The following MECOM variants were observed in gnomAD, a reference collection of about 807,000 sequenced individuals.
MECOM encodes the protein MDS1 and EVI1 complex locus.
A neutral mutation model predicts 116.3 loss-of-function variants in MECOM; 13 were observed. The ratio of observed to expected loss-of-function variants is 0.11; its 90% CI spans 0.07 to 0.18. The LOEUF (loss-of-function observed/expected upper bound fraction) is 0.18. Ranked by LOEUF, MECOM falls within the 10% of genes least tolerant of loss-of-function variation. MECOM has a pLI of 1.00. For missense variants in MECOM, 1,299 were observed against 1,509.0 expected, an observed-to-expected ratio of 0.86 and a Z score of 2.31; for synonymous variants, 528 against 535.2, an observed-to-expected ratio of 0.99 and a Z score of 0.19.
At chr3:169,414,012 C>T (rs906031791) in intron 1 of MECOM, among the ~76,000 whole-genome samples, 1 of 152,244 alleles carries the variant, frequency 6.6e-6, no homozygotes, top group Admixed American at 6.5e-5. Flanking sequence ...AGCAGTGGAT[C>T]TCCCAGCACA....
intron 2 of MECOM, among the ~76,000 whole-genome samples, chr3:169,327,338 A>C: frequency 6.6e-6 from 1 of 152,184 alleles, no homozygotes; most frequent in Non-Finnish European, 1.5e-5. Flanking sequence ...AAGTTAAAAA[A>C]TAAAAATTAA....
At chr3:169,482,336 T>TC in intron 1 of MECOM, among the ~76,000 whole-genome samples, 1 of 143,868 alleles carries the variant, frequency 7.0e-6, no homozygotes, top group Non-Finnish European at 1.5e-5. Context: ...TTCTTTTTTT[T>TC]TTTTTTTTTT....
chr3:169,513,433 G>A (rs1014649567), intron 1 of MECOM, among the ~76,000 whole-genome samples: 27 of 152,204 alleles, frequency 1.8e-4, no homozygotes, highest in African/African-American at 6.3e-4. Context: ...TCACTGTGAT[G>A]AGCTGCATAG....
intron 2 of MECOM, among the ~76,000 whole-genome samples, chr3:169,318,710 C>T (rs1215860175): frequency 3.3e-5 from 5 of 152,148 alleles, no homozygotes; most frequent in South Asian, 2.1e-4. Flanking sequence ...GACAGTATGG[C>T]GATTCCTCCA....
At chr3:169,349,071 T>G in intron 2 of MECOM, among the ~76,000 whole-genome samples, 2 of 129,362 alleles carry the variant, frequency 1.5e-5, no homozygotes, top group Non-Finnish European at 1.6e-5. Context: ...CCTCTCATCC[T>G]CCCCTTTCCC....
chr3:169,320,288 G>A (rs1290476737), intron 2 of MECOM, among the ~76,000 whole-genome samples: 1 of 152,136 alleles, frequency 6.6e-6, no homozygotes, highest in African/African-American at 2.4e-5. Flanking sequence ...GGGTAAAAGA[G>A]GATGCTACTT....
intron 2 of MECOM, among the ~76,000 whole-genome samples, chr3:169,318,560 A>G (rs928257677): frequency 6.6e-6 from 1 of 152,214 alleles, no homozygotes; most frequent in African/African-American, 2.4e-5. Flanking sequence ...AATCAAAACC[A>G]CAATGAGATA....
At chr3:169,512,355 C>T (rs1312194737) in intron 1 of MECOM, among the ~76,000 whole-genome samples, 1 of 152,210 alleles carries the variant, frequency 6.6e-6, no homozygotes, top group Non-Finnish European at 1.5e-5. Flanking sequence ...CAGTGGACAA[C>T]TCTGAATTGT....
At chr3:169,531,485 C>T (rs1758618217) in intron 1 of MECOM, among the ~76,000 whole-genome samples, 2 of 152,190 alleles carry the variant, frequency 1.3e-5, no homozygotes, top group African/African-American at 4.8e-5. Flanking sequence ...ATAACCTCAT[C>T]AGAGAGGCAA....
intron 1 of MECOM, among the ~76,000 whole-genome samples, chr3:169,495,530 A>G (rs1482819062): frequency 2.0e-5 from 3 of 152,212 alleles, no homozygotes; most frequent in Non-Finnish European, 2.9e-5. Context: ...ATTTTTCGAA[A>G]GAATGCTTGT....
At chr3:169,097,280 G>A (rs1245109350) in intron 12 of MECOM, among the ~76,000 whole-genome samples, 2 of 151,946 alleles carry the variant, frequency 1.3e-5, no homozygotes, top group Non-Finnish European at 2.9e-5. Context: ...ATCTAAATAA[G>A]CATGTTCTAA....
chr3:169,218,052 A>G (rs1234869239), intron 2 of MECOM, among the ~76,000 whole-genome samples: 1 of 151,910 alleles, frequency 6.6e-6, no homozygotes, highest in Non-Finnish European at 1.5e-5. Flanking sequence ...TCATTTGACT[A>G]CTATAAATCA....
At chr3:169,465,398 G>A (rs1396256627) in intron 1 of MECOM, among the ~76,000 whole-genome samples, 1 of 152,110 alleles carries the variant, frequency 6.6e-6, no homozygotes, top group African/African-American at 2.4e-5. Context: ...AAAGTGCTCA[G>A]AATAGTGGCT....
chr3:169,615,966 A>G (rs561128985), intron 1 of MECOM, among the ~76,000 whole-genome samples: 5 of 152,326 alleles, frequency 3.3e-5, no homozygotes, highest in Non-Finnish European at 7.3e-5. Context: ...TTCACAGAGC[A>G]ATTGTTCAAT....
At chr3:169,646,032 G>A (rs2110059243) in intron 1 of MECOM, among the ~76,000 whole-genome samples, 1 of 152,130 alleles carries the variant, frequency 6.6e-6, no homozygotes, top group African/African-American at 2.4e-5. Context: ...AAAGAATGAT[G>A]GCTTCCAGCT....
In MECOM at chr3:169,508,102, A is replaced by G. The variant is rs140966708; in HGVS notation, c.38-126578T>C. On this transcript the variant is annotated intron_variant, in intron 1 of 16. Transcript: ENST00000651503. ...AACATTTTGAATATACTATGTGCTCAATAGGTCATAGTTGTACCTAACATT... is the reference window on the plus strand; with the variant it reads ...AACATTTTGAATATACTATGTGCTCGATAGGTCATAGTTGTACCTAACATT... Among the ~76,000 whole-genome samples the G allele has an allele frequency of 2.0e-3, 303 of 152,370 alleles. 1 individual carries two copies. Among genetic ancestry groups the G allele is most frequent in the Non-Finnish European group, 2.4e-3 (162 of 68,038 alleles).
chr3:169,244,234 A>G (rs567538534), intron 2 of MECOM, among the ~76,000 whole-genome samples: 2 of 152,368 alleles, frequency 1.3e-5, no homozygotes, highest in Non-Finnish European at 2.9e-5. Context: ...TTCTGAAACA[A>G]GCAACCAACA....
intron 2 of MECOM, among the ~76,000 whole-genome samples, chr3:169,161,383 C>A (rs1169008388): frequency 1.3e-5 from 2 of 152,150 alleles, no homozygotes; most frequent in African/African-American, 4.8e-5. Context: ...TTGACACTGC[C>A]ATCAAAAGGG....
At chr3:169,357,619 T>G (rs1727488210) in intron 2 of MECOM, among the ~76,000 whole-genome samples, 1 of 151,862 alleles carries the variant, frequency 6.6e-6, no homozygotes, top group African/African-American at 2.4e-5. Flanking sequence ...ATTACAGGTG[T>G]GCTTCCCACC....
Sources: allele counts gnomAD v4.1 joint callset (sites outside exome capture counted in the v4.1 genomes callset), GRCh38; gene constraint gnomAD v4.1.1; transcripts MANE v1.5; gene names NCBI Gene and HGNC (gene_info 2026-07-23, HGNC 2026-07-21).